The following CCBE1 variants were observed in gnomAD, a reference collection of about 807,000 sequenced individuals.
CCBE1 encodes the protein collagen and calcium binding EGF domains 1.
CCBE1 carries 37 observed loss-of-function variants against 50.0 expected under a neutral mutation model. The ratio of observed to expected loss-of-function variants is 0.74; its 90% CI spans 0.57 to 0.97. The LOEUF (loss-of-function observed/expected upper bound fraction) is 0.97, where lower values mean the gene tolerates loss of function less well. Among genes scored for constraint, CCBE1 ranks in the 50% least tolerant of loss-of-function variants. CCBE1 has a pLI of 0.00. For synonymous variants in CCBE1, 234 were observed against 203.7 expected (o/e 1.15, Z -1.27); for missense variants, 538 against 523.8 (o/e 1.03, Z -0.26).
intron 2 of CCBE1, among the ~76,000 whole-genome samples, chr18:59,503,588 T>G (rs1913729212): frequency 6.6e-6 from 1 of 152,232 alleles, no homozygotes; most frequent in Non-Finnish European, 1.5e-5. Flanking sequence ...CCTACCTTCG[T>G]TCAGACCTCT....
intron 5 of CCBE1, among the ~76,000 whole-genome samples, chr18:59,457,777 CTTTGGG>C (rs1282401101): frequency 2.0e-5 from 3 of 152,150 alleles, no homozygotes; most frequent in Admixed American, 1.3e-4. Flanking sequence ...AGATGGTTTC[CTTTGGG>C]TTTTTTACCC....
intron 6 of CCBE1, among the ~76,000 whole-genome samples, chr18:59,453,862 C>G (rs1911054705): frequency 6.6e-6 from 1 of 152,090 alleles, no homozygotes; most frequent in South Asian, 2.1e-4. Context: ...TTATCTGGGT[C>G]CAGGACAGTT....
intron 2 of CCBE1, among the ~76,000 whole-genome samples, chr18:59,550,994 G>C (rs1228325869): frequency 3.6e-5 from 2 of 55,616 alleles, no homozygotes; most frequent in South Asian, 7.2e-4. Flanking sequence ...AACACAGCGA[G>C]ACTCAAAAAA....
chr18:59,444,881 C>T (rs1029516071), intron 7 of CCBE1, among the ~76,000 whole-genome samples: 1 of 152,014 alleles, frequency 6.6e-6, no homozygotes, highest in African/African-American at 2.4e-5. Flanking sequence ...AAGTCCTTTT[C>T]CCATCTTTTT....
intron 2 of CCBE1, among the ~76,000 whole-genome samples, chr18:59,678,345 G>T (rs1204599955): frequency 1.3e-5 from 2 of 152,112 alleles, no homozygotes; most frequent in Non-Finnish European, 2.9e-5. Flanking sequence ...GATTCTAACT[G>T]CTGCAATTTA....
At chr18:59,553,190 C>T (rs1465967818) in intron 2 of CCBE1, among the ~76,000 whole-genome samples, 3 of 151,054 alleles carry the variant, frequency 2.0e-5, no homozygotes, top group Non-Finnish European at 4.4e-5. Context: ...CCCTGTTCTA[C>T]TCAGCCAGTC....
intron 2 of CCBE1, among the ~76,000 whole-genome samples, chr18:59,568,790 C>A (rs576586079): frequency 2.6e-5 from 4 of 152,322 alleles, no homozygotes; most frequent in Admixed American, 1.3e-4. Flanking sequence ...CACCTGGACA[C>A]CTCTGCCCAT....
intron 2 of CCBE1, among the ~76,000 whole-genome samples, chr18:59,648,522 T>C (rs1392464477): frequency 6.6e-6 from 1 of 152,086 alleles, no homozygotes; most frequent in Admixed American, 6.5e-5. Flanking sequence ...CTGGCCAACA[T>C]GGAGAAAACC....
intron 2 of CCBE1, among the ~76,000 whole-genome samples, chr18:59,694,258 C>A (rs2144757327): frequency 6.6e-6 from 1 of 152,260 alleles, no homozygotes; most frequent in Middle Eastern, 3.4e-3. Context: ...AACCATTCAC[C>A]AACAGCCACC....
At chr18:59,676,467 T>A (rs1652066) in intron 2 of CCBE1, among the ~76,000 whole-genome samples, 84,402 of 152,116 alleles carry the variant, frequency 0.55, 25,235 homozygotes, top group East Asian at 0.88. Flanking sequence ...ATTTATGCTA[T>A]CTTCTTATAT....
chr18:59,693,864 CTTTTTTTTT>C (rs11410421), intron 2 of CCBE1, among the ~76,000 whole-genome samples: 19 of 70,736 alleles, frequency 2.7e-4, no homozygotes, highest in African/African-American at 1.1e-3. Flanking sequence ...AAAGGAAAGC[CTTTTTTTTT>C]TTTTTTTTTT....
At chr18:59,480,442 T>G (rs1912519262) in intron 2 of CCBE1, among the ~76,000 whole-genome samples, 1 of 152,142 alleles carries the variant, frequency 6.6e-6, no homozygotes, top group South Asian at 2.1e-4. Flanking sequence ...GGGATATTCT[T>G]TCTGCTACAT....
chr18:59,583,795 G>A (rs1489817751), intron 2 of CCBE1, among the ~76,000 whole-genome samples: 1 of 152,034 alleles, frequency 6.6e-6, no homozygotes, highest in Non-Finnish European at 1.5e-5. Context: ...CTTTTTATTA[G>A]GACCCTTTAA....
chr18:59,517,950 G>T (rs1005848959), intron 2 of CCBE1, among the ~76,000 whole-genome samples: 3 of 152,308 alleles, frequency 2.0e-5, no homozygotes, highest in East Asian at 3.9e-4. Flanking sequence ...GGGCACAGGG[G>T]TGTGCTGTCT....
At chr18:59,512,111 T>C (rs139374400) in intron 2 of CCBE1, among the ~76,000 whole-genome samples, 1,566 of 152,314 alleles carry the variant, frequency 0.01, 11 homozygotes, top group Non-Finnish European at 0.016. Flanking sequence ...CGGTGTGATA[T>C]GGAAGGAAGG....
chr18:59,510,178 C>T (rs2144293087), intron 2 of CCBE1, among the ~76,000 whole-genome samples: 1 of 152,302 alleles, frequency 6.6e-6, no homozygotes, highest in Middle Eastern at 3.4e-3. Context: ...ATTTTTCCTG[C>T]AAGTCCATTG....
At position 59,620,485 on chromosome 18, in the gene CCBE1, A is replaced by G. The variant is rs145275956; in HGVS notation, c.212+76144T>C. Among the ~76,000 whole-genome samples the G allele has an allele frequency of 1.6e-3, 249 of 152,282 alleles. 2 individuals carry two copies. Among genetic ancestry groups the G allele is most frequent in the African/African-American group, 5.6e-3 (234 of 41,542 alleles). ...ACATGAGATTGTTTATCCTAATACTATATGTAGCAGGATCCCAGGACAGGT... is the reference window on the plus strand; with the variant it reads ...ACATGAGATTGTTTATCCTAATACTGTATGTAGCAGGATCCCAGGACAGGT... On this transcript the variant is annotated intron_variant, in intron 2 of 10. Coordinates refer to ENST00000439986, the MANE Select transcript of CCBE1 (RefSeq NM_133459.4).
chr18:59,542,698 A>G (rs916548387), intron 2 of CCBE1, among the ~76,000 whole-genome samples: 1 of 152,244 alleles, frequency 6.6e-6, no homozygotes, highest in African/African-American at 2.4e-5. Context: ...CAAGAGTCCA[A>G]GAAAGTACGG....
intron 2 of CCBE1, among the ~76,000 whole-genome samples, chr18:59,608,743 G>GA (rs1251329885): frequency 6.6e-6 from 1 of 152,150 alleles, no homozygotes; most frequent in African/African-American, 2.4e-5. Context: ...CTTCTACACG[G>GA]AGTCTTTCCC....
Sources: gnomAD v4.1 joint callset for allele counts (sites outside exome capture counted in the v4.1 genomes callset) on GRCh38, gnomAD v4.1.1 for gene constraint, MANE v1.5 for transcripts, NCBI Gene and HGNC (gene_info 2026-07-23, HGNC 2026-07-21) for gene names.